Variants in HELB observed in about 807,000 individuals in gnomAD.
The protein encoded by HELB is DNA 5'-3' helicase B.
A neutral mutation model predicts 101.7 loss-of-function variants in HELB; 96 were observed. The ratio of observed to expected loss-of-function variants is 0.94; its 90% confidence interval spans 0.80 to 1.12. The LOEUF is 1.12. HELB is among the 50% of genes most tolerant of loss of function. The probability of loss-of-function intolerance (pLI) is 0.00; values close to 1 mark genes in which losing one functional copy is unlikely to be tolerated. For synonymous variants in HELB, 437 were observed against 459.7 expected (o/e 0.95, Z 0.63); for missense variants, 1,210 against 1,291.9 (o/e 0.94, Z 0.97).
downstream of HELB, chr12:66,338,561 G>C (rs978577021): frequency 1.3e-5 from 2 of 153,986 alleles, no homozygotes; most frequent in African/African-American, 4.8e-5. Context: ...AGAATCGCTT[G>C]AACCCGGGAG....
intron 11 of HELB, 106 bp downstream of exon 11, chr12:66,325,232 GA>G: frequency 1.4e-6 from 1 of 717,694 alleles, no homozygotes; most frequent in Non-Finnish European, 2.3e-6. Context: ...CAAAAATTAG[GA>G]AACAAAATAC....
At chr12:66,331,846 C>A (rs1290760390) in intron 12 of HELB, among the ~76,000 whole-genome samples, 1 of 152,220 alleles carries the variant, frequency 6.6e-6, no homozygotes, top group East Asian at 1.9e-4. Flanking sequence ...TCCTTCCCAG[C>A]CTCTAACTGA....
chr12:66,302,910 A>G (rs1417504104), intron 1 of HELB, 120 bp downstream of exon 1: 14 of 791,352 alleles, frequency 1.8e-5, no homozygotes, highest in Non-Finnish European at 2.1e-5. Context: ...TCAGTGGTCT[A>G]GCTGCTTCAT....
intron 2 of HELB, among the ~76,000 whole-genome samples, chr12:66,305,380 C>T (rs7131920): frequency 0.56 from 84,433 of 151,938 alleles, 24,045 homozygotes; most frequent in Middle Eastern, 0.66. Flanking sequence ...ACCTCTAAAA[C>T]TGTGATTTTA....
At chr12:66,312,168 G>T (rs963611370) in intron 4 of HELB, among the ~76,000 whole-genome samples, 5 of 151,954 alleles carry the variant, frequency 3.3e-5, no homozygotes, top group Admixed American at 2.0e-4. Flanking sequence ...AGAAACGCCA[G>T]TTGAAGTGTG....
chr12:66,318,921 T>A, intron 7 of HELB, 129 bp downstream of exon 7: 1 of 707,424 alleles, frequency 1.4e-6, no homozygotes. Context: ...AAAAGAGACA[T>A]TGAAAATAAA....
chr12:66,318,845 G>T, intron 7 of HELB, 53 bp downstream of exon 7: 1 of 1,378,126 alleles, frequency 7.3e-7, no homozygotes, highest in Non-Finnish European at 9.9e-7. Context: ...TTTAAGTTTT[G>T]TAACATAGTT....
In HELB at chr12:66,328,299, C is replaced by T. The variant is rs373270253; in HGVS notation, c.2671-2855C>T. On this transcript the variant is annotated intron_variant, in intron 11 of 12. Coordinates refer to ENST00000247815, the MANE Select transcript of HELB (RefSeq NM_001370285.1). Reference sequence around the variant, plus strand: ...ATACTAGGCTGGGCACAGTGTCTCACACCTGTAATCCCAGTACTTTGGGAG... The same window carrying T: ...ATACTAGGCTGGGCACAGTGTCTCATACCTGTAATCCCAGTACTTTGGGAG... 4.6e-5 allele frequency among the ~76,000 whole-genome samples: 7 copies of T among 152,176 alleles called. No individual in the cohort carries two copies. The East Asian group carries it at 1.3e-3, about 29-fold the overall frequency.
chr12:66,302,495 G>A lies in HELB; in HGVS notation c.-109G>A, dbSNP rs914660441. 1.1e-5 allele frequency: 11 copies of A among 1,034,772 alleles called. 1 individual carries two copies. Among genetic ancestry groups the A allele is most frequent in the Admixed American group, 2.4e-5 (1 of 42,488 alleles). 64.1% of individuals were successfully genotyped at this position (1,034,772 alleles called of 1,614,324 possible). A position where few individuals can be genotyped will look rare whatever the true frequency, so the allele number is the denominator to read the frequency against. On this transcript the variant is annotated 5_prime_UTR_variant, in exon 1 of 13. Transcript: ENST00000247815. ...TTTTATGTACGCTGGCGGCCGCCAG[G>A]CCGTTCCCGGAAGTTGATGGCCTTA...
chr12:66,311,226 C>T (rs1179629249), intron 4 of HELB, among the ~76,000 whole-genome samples: 1 of 151,668 alleles, frequency 6.6e-6, no homozygotes, highest in East Asian at 1.9e-4. Context: ...TTTGGGAGGC[C>T]AAGGTGGGAG....
At chr12:66,328,537 C>G (rs2053768372) in intron 11 of HELB, among the ~76,000 whole-genome samples, 1 of 151,854 alleles carries the variant, frequency 6.6e-6, no homozygotes, top group South Asian at 2.1e-4. Flanking sequence ...AGAGTGAGAC[C>G]CTCTCTCAAA....
intron 7 of HELB, among the ~76,000 whole-genome samples, chr12:66,320,288 C>T (rs1229438792): frequency 6.6e-6 from 1 of 152,130 alleles, no homozygotes; most frequent in Admixed American, 6.5e-5. Flanking sequence ...CCAGGACAAT[C>T]CCATTAAGGT....
At chr12:66,302,861 C>T in intron 1 of HELB, 71 bp downstream of exon 1, 3 of 1,333,932 alleles carry the variant, frequency 2.2e-6, no homozygotes, top group Middle Eastern at 2.6e-4. Flanking sequence ...TGGCTTTGCC[C>T]TGAGCAAGGC....
rs374156669 is a variant in HELB, at chr12:66,325,172, T to C, written c.2670+46T>C. On this transcript the variant is annotated intron_variant, in intron 11 of 12. Transcript: ENST00000247815. Reference sequence around the variant, plus strand: ...AACCTTTTAAATAATTTACCAACCTTAGAGCGCCTTGCATTGTTTTCGTAA... The same window carrying C: ...AACCTTTTAAATAATTTACCAACCTCAGAGCGCCTTGCATTGTTTTCGTAA... 195 of 1,355,788 alleles carry C rather than the reference T, an allele frequency of 1.4e-4. No individual in the cohort carries two copies. In the African/African-American group the frequency reaches 2.2e-3, roughly 16 times the overall value. 84.0% of individuals were successfully genotyped at this position (1,355,788 alleles called of 1,614,324 possible). A position where few individuals can be genotyped will look rare whatever the true frequency, so the allele number is the denominator to read the frequency against.
intron 2 of HELB, 86 bp from the exon 3 acceptor site, chr12:66,306,259 G>A (rs1391281915): frequency 6.8e-6 from 7 of 1,034,536 alleles, no homozygotes; most frequent in East Asian, 5.4e-5. Context: ...TTCTTGAATC[G>A]GTTGTGCAAA....
At chr12:66,339,985 A>C (rs1348857885), downstream of HELB, 1 of 152,208 alleles carries the variant, frequency 6.6e-6, no homozygotes. Context: ...CAGTATATGG[A>C]TAAAGGATAT....
At chr12:66,323,449 A>C (rs1476957003) in intron 9 of HELB, among the ~76,000 whole-genome samples, 1 of 152,166 alleles carries the variant, frequency 6.6e-6, no homozygotes, top group Non-Finnish European at 1.5e-5. Context: ...ATGGACACAG[A>C]ATTTCCCTTA....
downstream of HELB, chr12:66,340,418 A>G (rs1191844263): frequency 6.6e-6 from 1 of 152,190 alleles, no homozygotes; most frequent in Non-Finnish European, 1.5e-5. Flanking sequence ...TATGTCCCCT[A>G]GAGAAATGTA....
At chr12:66,324,870 G>T (rs762893812) in intron 10 of HELB, 113 bp from the exon 11 acceptor site, 1 of 1,300,368 alleles carries the variant, frequency 7.7e-7, no homozygotes, top group Non-Finnish European at 1.1e-6. Context: ...ATTCTTAATG[G>T]TAATTGTAAT....
Sources: gnomAD v4.1 joint callset for allele counts (sites outside exome capture counted in the v4.1 genomes callset) on GRCh38, gnomAD v4.1.1 for gene constraint, MANE v1.5 for transcripts, NCBI Gene and HGNC (gene_info 2026-07-23, HGNC 2026-07-21) for gene names.